OR1J2: variants seen among roughly 807,000 people sequenced by gnomAD.
The protein encoded by OR1J2 is olfactory receptor family 1 subfamily J member 2.
For synonymous variants in OR1J2, 142 were observed against 99.7 expected (o/e 1.42, Z -2.52); for missense variants, 304 against 246.1 (o/e 1.24, Z -1.57).
chr9:122,540,380 C>A, the OR1J2 span, among the ~76,000 whole-genome samples: 1 of 152,310 alleles, frequency 6.6e-6, no homozygotes, highest in South Asian at 2.1e-4. Flanking sequence ...GGAGTCCTTT[C>A]CCCACTTCTT....
At chr9:122,491,252 A>G in the OR1J2 span, among the ~76,000 whole-genome samples, 3 of 152,278 alleles carry the variant, frequency 2.0e-5, no homozygotes, top group South Asian at 4.1e-4. Context: ...GAGAAGTTGT[A>G]TTGCATAGAG....
chr9:122,554,677 A>G, the OR1J2 span, among the ~76,000 whole-genome samples: 14 of 152,214 alleles, frequency 9.2e-5, no homozygotes, highest in Non-Finnish European at 2.1e-4. Context: ...CCACTTTGTG[A>G]GGATCATGAC....
Position 122,511,420 on chromosome 9 carries a change from A to G in OR1J2, c.619A>G (p.Ile207Val). The change falls in exon 1 of 1, where the codon ATT becomes GTT. Residue 207 changes from isoleucine (I) to valine (V), a missense_variant. Physicochemically the swap from Ile to Val is conservative, Grantham distance 29. Transcript: ENST00000335302. ...LVMFTVGVVV[I>V]TLPFMCILVS... is the part of the protein sequence containing the mutation. ...CATGTTCACAGTAGGGGTGGTGGTC[A>G]TTACCCTGCCATTCATGTGTATCCT... The G allele has an allele frequency of 1.3e-6, 1 of 771,618 alleles. No individual in the cohort carries two copies. The highest frequency in any genetic ancestry group is 2.4e-6 in the Non-Finnish European group (1 of 413,848). The allele number at this position is 771,618 out of a possible 1,614,324, so 47.8% of individuals were successfully genotyped here.
the OR1J2 span, chr9:122,526,754 A>G: frequency 0.1 from 164,706 of 1,613,886 alleles, 9,388 homozygotes; most frequent in Non-Finnish European, 0.12. Flanking sequence ...TCAGGACAGG[A>G]GTGATGTCAC....
the OR1J2 span, among the ~76,000 whole-genome samples, chr9:122,528,375 T>C: frequency 1.6e-4 from 25 of 152,284 alleles, no homozygotes; most frequent in Admixed American, 3.3e-4. Flanking sequence ...GGCAGGCGGA[T>C]CTACCTGAGG....
the OR1J2 span, among the ~76,000 whole-genome samples, chr9:122,570,836 A>C: frequency 2.0e-5 from 3 of 152,202 alleles, no homozygotes; most frequent in African/African-American, 7.2e-5. Context: ...TTTATTGAAA[A>C]TGTATTAGTA....
the OR1J2 span, among the ~76,000 whole-genome samples, chr9:122,474,875 T>G: frequency 3.3e-5 from 5 of 152,224 alleles, no homozygotes; most frequent in Non-Finnish European, 5.9e-5. Flanking sequence ...ACTTTAGCTT[T>G]GAGCCTCTGG....
At chr9:122,500,987 G>A in the OR1J2 span, among the ~76,000 whole-genome samples, 1 of 152,042 alleles carries the variant, frequency 6.6e-6, no homozygotes, top group Admixed American at 6.6e-5. Flanking sequence ...TTAAAATGAG[G>A]TTTATGAAAA....
At chr9:122,507,331 C>A (rs898797839), upstream of OR1J2, among the ~76,000 whole-genome samples, 1 of 152,144 alleles carries the variant, frequency 6.6e-6, no homozygotes, top group African/African-American at 2.4e-5. Flanking sequence ...TTAGGGTAAA[C>A]AAAGTCATCT....
chr9:122,501,975 A>T, the OR1J2 span, among the ~76,000 whole-genome samples: 2 of 152,326 alleles, frequency 1.3e-5, no homozygotes, highest in Non-Finnish European at 2.9e-5. Context: ...CCTGCAGGTG[A>T]GTGAGCTGGG....
the OR1J2 span, among the ~76,000 whole-genome samples, chr9:122,531,024 A>G: frequency 6.6e-6 from 1 of 152,168 alleles, no homozygotes; most frequent in African/African-American, 2.4e-5. Context: ...TTCTTATATT[A>G]ATAAGAAAAA....
the OR1J2 span, among the ~76,000 whole-genome samples, chr9:122,531,343 G>A: frequency 6.6e-6 from 1 of 152,248 alleles, no homozygotes. Context: ...GATATCAGCT[G>A]TGATGGTTTG....
chr9:122,561,569 T>C, the OR1J2 span, among the ~76,000 whole-genome samples: 1 of 152,208 alleles, frequency 6.6e-6, no homozygotes, highest in African/African-American at 2.4e-5. Context: ...TGTTTGTTTT[T>C]CTTTCAGTGG....
the OR1J2 span, chr9:122,567,419 C>G: frequency 1.6e-6 from 1 of 641,764 alleles, no homozygotes; most frequent in Non-Finnish European, 2.6e-6. Context: ...TGTAAGTGCC[C>G]ACAATAGCCT....
chr9:122,510,149 T>C (rs1406945392), upstream of OR1J2, among the ~76,000 whole-genome samples: 1 of 152,186 alleles, frequency 6.6e-6, no homozygotes, highest in East Asian at 1.9e-4. Context: ...AGAACTTAAA[T>C]TAGGAATACT....
the OR1J2 span, among the ~76,000 whole-genome samples, chr9:122,523,691 G>A: frequency 6.6e-6 from 1 of 152,172 alleles, no homozygotes; most frequent in African/African-American, 2.4e-5. Context: ...TCTGTGGACT[G>A]ATATTTAAGA....
the OR1J2 span, among the ~76,000 whole-genome samples, chr9:122,491,328 G>C: frequency 3.9e-5 from 6 of 152,018 alleles, no homozygotes; most frequent in Non-Finnish European, 5.9e-5. Flanking sequence ...TTTGGATAGA[G>C]ATAGAAATTC....
At chr9:122,580,170 GA>G in the OR1J2 span, among the ~76,000 whole-genome samples, 24 of 147,994 alleles carry the variant, frequency 1.6e-4, 1 homozygote, top group Admixed American at 2.7e-4. Context: ...ATCTGCTGCA[GA>G]AAAAAAAAAT....
chr9:122,562,570 C>T, the OR1J2 span, among the ~76,000 whole-genome samples: 3 of 152,152 alleles, frequency 2.0e-5, no homozygotes, highest in Admixed American at 2.0e-4. Context: ...TGGGGACTCC[C>T]CTGCCCTGTG....
Sources: allele counts gnomAD v4.1 joint callset (sites outside exome capture counted in the v4.1 genomes callset), GRCh38; gene constraint gnomAD v4.1.1; transcripts MANE v1.5; gene names NCBI Gene and HGNC (gene_info 2026-07-23, HGNC 2026-07-21).